GGA3: variants seen among roughly 807,000 people sequenced by gnomAD.
The protein encoded by GGA3 is ADP-ribosylation factor-binding protein GGA3.
A neutral mutation model predicts 77.5 loss-of-function variants in GGA3; 57 were observed. That is an observed-to-expected ratio of 0.74 (90% CI 0.59 to 0.92). GGA3 has a LOEUF of 0.92. Ranked by LOEUF, GGA3 falls within the 40% of genes least tolerant of loss-of-function variation. The probability of loss-of-function intolerance (pLI) is 0.00; values close to 1 mark genes in which losing one functional copy is unlikely to be tolerated. For synonymous variants in GGA3, 416 were observed against 383.7 expected, an observed-to-expected ratio of 1.08 and a Z score of -0.98; for missense variants, 970 against 914.9, an observed-to-expected ratio of 1.06 and a Z score of -0.78.
intron 1 of GGA3, among the ~76,000 whole-genome samples, chr17:75,253,064 T>C (rs899433543): frequency 1.3e-5 from 2 of 152,212 alleles, no homozygotes; most frequent in Non-Finnish European, 2.9e-5. Flanking sequence ...TTTGGTGCCA[T>C]GACTCGGATC....
Position 75,239,983 on chromosome 17 carries a change from A to G in GGA3, c.1389T>C (p.Pro463=), listed in dbSNP as rs1352790559. The G allele has an allele frequency of 6.4e-7, 1 of 1,558,768 alleles. No individual in the cohort carries two copies. The highest frequency in any genetic ancestry group is 1.2e-5 in the South Asian group (1 of 85,368). The change falls in exon 13 of 17, where the codon CCT becomes CCC. Residue 463 remains proline (P), a synonymous_variant. Coordinates refer to ENST00000537686, the MANE Select transcript of GGA3 (RefSeq NM_138619.4). The stretch of plus-strand genomic sequence containing the variant: ...CTGGGACCACAGGAGCTGGGAAGGG[A>G]GGCGGCAGTGGAGCTTGGGAGCTGC... ...SSSSSQAPLP[P]PFPAPVVPAS... is the part of the protein sequence containing the mutation.
In GGA3 at chr17:75,240,078, G is replaced by C; in HGVS notation, c.1294C>G (p.Pro432Ala). 6.4e-7 allele frequency: 1 copy of C among 1,550,890 alleles called. No individual in the cohort carries two copies. The highest frequency in any genetic ancestry group is 1.2e-5 in the South Asian group (1 of 84,186). ...CCACAGGCAGCGGTCCCCGGCCTGG[G>C]GCTGAAGAAGTCCAGGTCGGACTGT... ...REQSDLDFFS[P>A]RPGTAACGAS... The change falls in exon 13 of 17, where the codon CCC becomes GCC. Residue 432 changes from proline to alanine, a missense_variant. By Grantham distance (27) the Pro-to-Ala change is conservative. Coordinates refer to ENST00000537686, the MANE Select transcript of GGA3 (RefSeq NM_138619.4).
chr17:75,252,806 C>A (rs1379210416), intron 1 of GGA3, among the ~76,000 whole-genome samples: 1 of 152,202 alleles, frequency 6.6e-6, no homozygotes, highest in Non-Finnish European at 1.5e-5. Flanking sequence ...ATCTCCCCCA[C>A]CCTTAAGAAG....
In GGA3 at chr17:75,240,016, G is replaced by A. The variant is rs1304511007; in HGVS notation, c.1356C>T (p.Pro452=). ...GTGGAGCTTGGGAGCTGCTTGAGGA[G>A]GGGGCTGAGGGCTGGAGCAGAGGAG... is the stretch of plus-strand genomic sequence containing the variant. ...SDAPLLQPSA[P]SSSSSQAPLP... The change falls in exon 13 of 17, where the codon CCC becomes CCT. Residue 452 remains proline, a synonymous_variant. Coordinates refer to ENST00000537686, the MANE Select transcript of GGA3 (RefSeq NM_138619.4). 2 of 1,552,412 alleles carry A rather than the reference G, an allele frequency of 1.3e-6. No individual in the cohort carries two copies. Among genetic ancestry groups the A allele is most frequent in the African/African-American group, 1.4e-5 (1 of 73,262 alleles).
At chr17:75,255,065 C>T (rs945905835) in intron 1 of GGA3, among the ~76,000 whole-genome samples, 3 of 152,182 alleles carry the variant, frequency 2.0e-5, no homozygotes, top group Admixed American at 6.5e-5. Flanking sequence ...CCGATCGCCT[C>T]GGAAGCCCCA....
At position 75,239,871 on chromosome 17, in the gene GGA3, G is replaced by A. The variant is rs771231537; in HGVS notation, c.1501C>T (p.Pro501Ser). The A allele has an allele frequency of 6.2e-7, 1 of 1,614,056 alleles. No individual in the cohort carries two copies. Among genetic ancestry groups the A allele is most frequent in the Admixed American group, 1.7e-5 (1 of 60,032 alleles). ...CCCAACGCCAAGCCATGGTGCCCAG[G>A]GACTGCGGGCTCAACTTTTGGGGCC... is the stretch of plus-strand genomic sequence containing the variant. ...ALAPKVEPAV[P>S]GHHGLALGNS... is the part of the protein sequence containing the mutation. Residue 501 changes from proline to serine, a missense_variant, in exon 13 of 17, where the codon CCT (proline) becomes TCT (serine). Transcript: ENST00000537686.
At position 75,247,263 on chromosome 17, in the gene GGA3, A is replaced by AT. The variant is rs373755619; in HGVS notation, c.41-468dup. On this transcript the variant is annotated intron_variant, in intron 1 of 16. Transcript: ENST00000537686. ...AAAAAATACATATTTGTAACCACAAATTTTTTTTTTTTTTTTGACATGGAG... is the reference window on the plus strand; with the variant it reads ...AAAAAATACATATTTGTAACCACAAATTTTTTTTTTTTTTTTTGACATGGAG... 5.7e-3 allele frequency among the ~76,000 whole-genome samples: 838 copies of AT among 145,818 alleles called. 5 individuals are homozygous for AT. The highest frequency in any genetic ancestry group is 0.014 in the Middle Eastern group (4 of 276).
intron 1 of GGA3, among the ~76,000 whole-genome samples, chr17:75,252,238 C>CT (rs1364541123): frequency 6.6e-6 from 1 of 151,290 alleles, no homozygotes; most frequent in Non-Finnish European, 1.5e-5. Context: ...TGTGCTTGTT[C>CT]TTTTTTTAGA....
intron 1 of GGA3, among the ~76,000 whole-genome samples, chr17:75,257,306 C>T (rs2077190914): frequency 7.1e-6 from 1 of 140,038 alleles, no homozygotes; most frequent in Admixed American, 7.4e-5. Flanking sequence ...AACCTGTCAT[C>T]ATCCCTACTA....
chr17:75,261,757 G>A (rs1434660543), upstream of GGA3: 7 of 1,142,914 alleles, frequency 6.1e-6, no homozygotes, highest in South Asian at 3.1e-5. Context: ...CTCCCCTTTG[G>A]ACCCCGGAGT....
At chr17:75,246,275 T>C (rs999015877) in intron 3 of GGA3, among the ~76,000 whole-genome samples, 7 of 152,154 alleles carry the variant, frequency 4.6e-5, no homozygotes, top group Non-Finnish European at 7.3e-5. Context: ...ACACTAACCA[T>C]GTGGCCATGC....
intron 1 of GGA3, among the ~76,000 whole-genome samples, chr17:75,260,349 T>G (rs540415949): frequency 3.3e-5 from 5 of 152,356 alleles, no homozygotes; most frequent in African/African-American, 9.6e-5. Flanking sequence ...ATGGCAGTAG[T>G]GCCTGCTTTG....
At chr17:75,252,051 T>C (rs2076983449) in intron 1 of GGA3, among the ~76,000 whole-genome samples, 1 of 151,450 alleles carries the variant, frequency 6.6e-6, no homozygotes, top group Admixed American at 6.6e-5. Context: ...CAGGTGTGAG[T>C]CCCAGTGCCT....
chr17:75,240,871 A>G lies in GGA3; in HGVS notation c.1133T>C (p.Leu378Pro). Reference protein sequence around the residue: ...SRSSSQAEATLGPSSTSNALS... With the variant: ...SRSSSQAEATPGPSSTSNALS... ...GGCGTTGCTTGTGCTGCTGGGCCCC[A>G]GGGTGGCCTCGGCCTGGCTAGAGGA... The change falls in exon 11 of 17, where the codon CTG becomes CCG. Residue 378 changes from leucine to proline, a missense_variant. By Grantham distance (98) the Leu-to-Pro change is moderately conservative. Coordinates refer to ENST00000537686, the MANE Select transcript of GGA3 (RefSeq NM_138619.4). 6.2e-6 allele frequency: 10 copies of G among 1,613,482 alleles called. No homozygotes were observed. Among genetic ancestry groups the G allele is most frequent in the Non-Finnish European group, 8.5e-6 (10 of 1,179,824 alleles).
intron 8 of GGA3, 121 bp from the exon 9 acceptor site, chr17:75,241,817 A>T: frequency 1.2e-6 from 1 of 837,074 alleles, no homozygotes; most frequent in Non-Finnish European, 2.0e-6. Context: ...AATTACCAGC[A>T]AAGCTGGGAT....
chr17:75,244,800 A>G, intron 3 of GGA3, 83 bp from the exon 4 acceptor site: 1 of 866,444 alleles, frequency 1.2e-6, no homozygotes, highest in Non-Finnish European at 2.0e-6. Context: ...TGGCACCCAG[A>G]GAGTACTGAA....
intron 1 of GGA3, among the ~76,000 whole-genome samples, chr17:75,259,128 T>C (rs1036843817): frequency 6.6e-6 from 1 of 152,022 alleles, no homozygotes; most frequent in African/African-American, 2.4e-5. Context: ...TATTTTTTTG[T>C]ATTTTTTAGT....
rs376859604 is a variant in GGA3 at position 75,237,344 on chromosome 17, C to G, written c.*935G>C. The G allele has an allele frequency of 1.2e-5, 9 of 775,370 alleles. No individual in the cohort carries two copies. The highest frequency in any genetic ancestry group is 1.7e-5 in the Non-Finnish European group (8 of 461,016). 48.0% of individuals were successfully genotyped at this position (775,370 alleles called of 1,614,324 possible). ...TTGTGATCCTGAGGCCTCCTGTGTCCAGCCACAGGTGCCACACCACATGCC... is the reference window on the plus strand; with the variant it reads ...TTGTGATCCTGAGGCCTCCTGTGTCGAGCCACAGGTGCCACACCACATGCC... On this transcript the variant is annotated 3_prime_UTR_variant, in exon 17 of 17. Coordinates refer to ENST00000537686, the MANE Select transcript of GGA3 (RefSeq NM_138619.4).
Position 75,239,929 on chromosome 17 carries a change from G to A in GGA3, c.1443C>T (p.Ser481=), listed in dbSNP as rs147493588. The change falls in exon 13 of 17, where the codon TCC becomes TCT. Residue 481 remains serine, a synonymous_variant. Coordinates refer to ENST00000537686, the MANE Select transcript of GGA3 (RefSeq NM_138619.4). Reference sequence around the variant, plus strand: ...GGGCCACTCCAGTAGAAAACAAGGAGGAGCCCGCACTGGGGGCAGGAACAC... The same window carrying A: ...GGGCCACTCCAGTAGAAAACAAGGAAGAGCCCGCACTGGGGGCAGGAACAC... The part of the protein sequence containing the change: ...PASVPAPSAG[S]SLFSTGVAPA... 58 of 1,603,332 alleles carry A rather than the reference G, an allele frequency of 3.6e-5. No individual in the cohort carries two copies. In the African/African-American group the frequency reaches 6.4e-4, roughly 18 times the overall value.
Sources: allele counts gnomAD v4.1 joint callset (sites outside exome capture counted in the v4.1 genomes callset), GRCh38; gene constraint gnomAD v4.1.1; transcripts MANE v1.5; gene names NCBI Gene and HGNC (gene_info 2026-07-23, HGNC 2026-07-21).